HARS1: variants seen among roughly 807,000 people sequenced by gnomAD.
The protein encoded by HARS1 is histidine--tRNA ligase, cytoplasmic.
HARS1 carries 45 observed loss-of-function variants against 63.6 expected under a neutral mutation model. The observed-to-expected ratio is 0.71, with a 90% confidence interval of 0.56 to 0.91. The LOEUF is 0.91. Among genes scored for constraint, HARS1 ranks in the 40% least tolerant of loss-of-function variants. The probability of loss-of-function intolerance (pLI) is 0.00; values close to 1 mark genes in which losing one functional copy is unlikely to be tolerated. For missense variants in HARS1, 508 were observed against 643.2 expected (o/e 0.79, Z 2.27); for synonymous variants, 205 against 247.1 (o/e 0.83, Z 1.60).
chr5:140,677,514 G>A (rs1758453949), intron 7 of HARS1, 94 bp from the exon 8 acceptor site: 1 of 1,123,242 alleles, frequency 8.9e-7, no homozygotes, highest in African/African-American at 1.5e-5. Flanking sequence ...TAGAGCAGTA[G>A]CTGCCCATGA....
intron 2 of HARS1, among the ~76,000 whole-genome samples, chr5:140,686,385 G>A (rs1294951806): frequency 6.6e-6 from 1 of 152,054 alleles, no homozygotes; most frequent in Non-Finnish European, 1.5e-5. Flanking sequence ...GATTACAGAC[G>A]TGAGCTACCA....
At chr5:140,680,840 CAA>C (rs1338621001) in intron 3 of HARS1, among the ~76,000 whole-genome samples, 1 of 115,422 alleles carries the variant, frequency 8.7e-6, no homozygotes, top group African/African-American at 3.2e-5. Flanking sequence ...AACTCTGTCT[CAA>C]AAAAAAAAAA....
chr5:140,690,128 A>T (rs946328733), intron 2 of HARS1, among the ~76,000 whole-genome samples: 2 of 152,068 alleles, frequency 1.3e-5, no homozygotes, highest in African/African-American at 4.8e-5. Context: ...TAATTTCTTT[A>T]TATCATTTTT....
chr5:140,681,681 AC>A (rs956363638), intron 3 of HARS1, among the ~76,000 whole-genome samples: 1 of 152,026 alleles, frequency 6.6e-6, no homozygotes, highest in Non-Finnish European at 1.5e-5. Flanking sequence ...TAAAAAAAAA[AC>A]AAAGGGAGAT....
chr5:140,674,237 C>G lies in HARS1; in HGVS notation c.*20G>C, dbSNP rs1470836015. 1 of 1,510,666 alleles carries G rather than the reference C, an allele frequency of 6.6e-7. No homozygotes were observed. Among genetic ancestry groups the G allele is most frequent in the Non-Finnish European group, 9.2e-7 (1 of 1,085,582 alleles). 93.6% of individuals were successfully genotyped at this position (1,510,666 alleles called of 1,614,324 possible). On this transcript the variant is annotated 3_prime_UTR_variant, in exon 13 of 13. Transcript: ENST00000504156. ...AAATAGTGCCAGTCCCACTTCCTTT[C>G]CTCTGATAGTTTGTTCAGTTCAGCA... is the stretch of plus-strand genomic sequence containing the variant.
chr5:140,674,104 A>G lies in HARS1; in HGVS notation c.*153T>C. 2 of 710,618 alleles carry G rather than the reference A, an allele frequency of 2.8e-6. No individual in the cohort carries two copies. The highest frequency in any genetic ancestry group is 5.2e-6 in the Non-Finnish European group (2 of 384,780). 44.0% of individuals were successfully genotyped at this position (710,618 alleles called of 1,614,324 possible). A position where few individuals can be genotyped will look rare whatever the true frequency, so the allele number is the denominator to read the frequency against. On this transcript the variant is annotated 3_prime_UTR_variant, in exon 13 of 13. Coordinates refer to ENST00000504156, the MANE Select transcript of HARS1 (RefSeq NM_002109.6). ...GTTTTTGCCAGTAATAATCAATAAAATAACCATAATAAAAATCAAAGGCTC... is the reference window on the plus strand; with the variant it reads ...GTTTTTGCCAGTAATAATCAATAAAGTAACCATAATAAAAATCAAAGGCTC...
Position 140,684,369 on chromosome 5 carries a change from C to G in HARS1, c.181-1150G>C. Reference sequence around the variant, plus strand: ...AAAAAAATACCTACATGATTATAGGCAATATAACCAACTCAAACTGGCTCA... The same window carrying G: ...AAAAAAATACCTACATGATTATAGGGAATATAACCAACTCAAACTGGCTCA... On this transcript the variant is annotated intron_variant, in intron 2 of 12. Coordinates refer to ENST00000504156, the MANE Select transcript of HARS1 (RefSeq NM_002109.6). 3.1e-6 allele frequency: 3 copies of G among 983,134 alleles called. No homozygotes were observed. The South Asian group carries it at 1.4e-4, about 46-fold the overall frequency. The allele number at this position is 983,134 out of a possible 1,614,324, so 60.9% of individuals were successfully genotyped here. A position where few individuals can be genotyped will look rare whatever the true frequency, so the allele number is the denominator to read the frequency against.
chr5:140,681,939 T>C (rs767378406), intron 3 of HARS1, among the ~76,000 whole-genome samples: 1 of 152,194 alleles, frequency 6.6e-6, no homozygotes, highest in Non-Finnish European at 1.5e-5. Context: ...GAGACATTGA[T>C]GAAGGAAACA....
intron 3 of HARS1, 122 bp downstream of exon 3, chr5:140,682,978 A>C: frequency 1.2e-6 from 1 of 839,758 alleles, no homozygotes; most frequent in Non-Finnish European, 1.9e-6. Flanking sequence ...TATTGGAGCA[A>C]AGACTGGTCT....
At position 140,675,383 on chromosome 5, in the gene HARS1, C is replaced by T. The variant is rs76496151; in HGVS notation, c.1195-250G>A. On this transcript the variant is annotated intron_variant, in intron 10 of 12. Transcript: ENST00000504156. ...AGTAAAGGTAGCTTTTTTACAGTAACTTCAAGCTTATCTCCATGTAGTACC... is the reference window on the plus strand; with the variant it reads ...AGTAAAGGTAGCTTTTTTACAGTAATTTCAAGCTTATCTCCATGTAGTACC... The T allele has an allele frequency of 8.6e-3, 3,198 of 372,504 alleles. 96 individuals are homozygous for T. The highest frequency in any genetic ancestry group is 0.062 in the African/African-American group (2,962 of 47,412). 23.1% of individuals were successfully genotyped at this position (372,504 alleles called of 1,614,324 possible). A position where few individuals can be genotyped will look rare whatever the true frequency, so the allele number is the denominator to read the frequency against.
chr5:140,674,398 CTCTAGCCCTCTAGGCATCAGGCT>C (rs1287280865), intron 12 of HARS1, 70 bp from the exon 13 acceptor site: 1 of 1,062,816 alleles, frequency 9.4e-7, no homozygotes, highest in African/African-American at 1.5e-5. Flanking sequence ...GCCTAGTTTC[CTCTAGCCCTCTAGGCATCAGGCT>C]TGTCTCAGCT....
chr5:140,683,499 C>G (rs548232441), intron 2 of HARS1: 32 of 1,197,574 alleles, frequency 2.7e-5, no homozygotes, highest in Non-Finnish European at 3.0e-5. Flanking sequence ...TCTAAACACT[C>G]TCTCTCAGAT....
At chr5:140,678,538 A>G (rs1001963662) in intron 5 of HARS1, 7 of 163,396 alleles carry the variant, frequency 4.3e-5, no homozygotes, top group Non-Finnish European at 8.0e-5. Flanking sequence ...ATTTTGTGAA[A>G]TCTGCATGAA....
At chr5:140,685,618 C>T (rs812381) in intron 2 of HARS1, among the ~76,000 whole-genome samples, 1 of 151,084 alleles carries the variant, frequency 6.6e-6, no homozygotes, top group Non-Finnish European at 1.5e-5. Context: ...CTACCTGGGA[C>T]GCTGAGGCAG....
At chr5:140,682,493 AC>A (rs1758781987) in intron 3 of HARS1, among the ~76,000 whole-genome samples, 1 of 152,202 alleles carries the variant, frequency 6.6e-6, no homozygotes, top group Admixed American at 6.5e-5. Flanking sequence ...TTTGGGTTGT[AC>A]TATAAGTGCA....
At chr5:140,677,454 G>A (rs1758449854) in intron 7 of HARS1, 34 bp from the exon 8 acceptor site, 1 of 1,485,964 alleles carries the variant, frequency 6.7e-7, no homozygotes, top group South Asian at 1.1e-5. Context: ...GGACCCCTGG[G>A]CAGCTTCCGC....
chr5:140,676,537 C>T lies in HARS1; in HGVS notation c.1194+117G>A, dbSNP rs1321128814. ...CTGTGAAAAAGAGCAATAATCTTTT[C>T]TCCATTTCTGTGAGATGCTCCCTGC... On this transcript the variant is annotated intron_variant, in intron 10 of 12. Coordinates refer to ENST00000504156, the MANE Select transcript of HARS1 (RefSeq NM_002109.6). This position sits in a 1 kb window ranked among gnomAD's most constrained non-coding sequence, Gnocchi z 4.1. 3 of 1,055,990 alleles carry T rather than the reference C, an allele frequency of 2.8e-6. No individual in the cohort carries two copies. The highest frequency in any genetic ancestry group is 4.2e-6 in the Non-Finnish European group (3 of 713,510). 65.4% of individuals were successfully genotyped at this position (1,055,990 alleles called of 1,614,324 possible).
chr5:140,691,012 A>G, intron 1 of HARS1, 68 bp from the exon 2 acceptor site: 1 of 1,033,898 alleles, frequency 9.7e-7, no homozygotes, highest in Non-Finnish European at 1.5e-6. Context: ...CATTCATTCA[A>G]TATTCCTCCC....
rs188174426 is a variant in HARS1 at position 140,682,829 on chromosome 5, A to G, written c.300+271T>C. 1.3e-3 allele frequency: 418 copies of G among 332,812 alleles called. 4 individuals carry two copies. The East Asian group carries it at 0.02, about 16-fold the overall frequency. 20.6% of individuals were successfully genotyped at this position (332,812 alleles called of 1,614,324 possible). A position where few individuals can be genotyped will look rare whatever the true frequency, so the allele number is the denominator to read the frequency against. On this transcript the variant is annotated intron_variant, in intron 3 of 12. Coordinates refer to ENST00000504156, the MANE Select transcript of HARS1 (RefSeq NM_002109.6). ...TGAATCTAGAAAACATTCCAAGTAC[A>G]GATGCCACGCAATACAATGTAGAGA...
Sources: allele counts gnomAD v4.1 joint callset (sites outside exome capture counted in the v4.1 genomes callset), GRCh38; gene constraint gnomAD v4.1.1; non-coding constraint Gnocchi (gnomAD v3.1); transcripts MANE v1.5; gene names NCBI Gene and HGNC (gene_info 2026-07-23, HGNC 2026-07-21).